Variants in SUN3 observed in about 807,000 individuals in gnomAD.
The protein encoded by SUN3 is Sad1 and UNC84 domain containing 3, also known as SUN domain-containing protein 3.
A neutral mutation model predicts 48.2 loss-of-function variants in SUN3; 36 were observed. The ratio of observed to expected loss-of-function variants is 0.75; its 90% CI spans 0.57 to 0.99. SUN3 has a LOEUF of 0.99. Ranked by LOEUF, SUN3 falls within the 50% of genes least tolerant of loss-of-function variation. SUN3 has a pLI of 0.00. For synonymous variants in SUN3, 148 were observed against 147.9 expected, an observed-to-expected ratio of 1.00 and a Z score of 0.00; for missense variants, 419 against 433.1, an observed-to-expected ratio of 0.97 and a Z score of 0.29.
At chr7:48,031,292 C>A (rs893041376), upstream of SUN3, among the ~76,000 whole-genome samples, 10 of 152,204 alleles carry the variant, frequency 6.6e-5, no homozygotes, top group African/African-American at 2.4e-4. Flanking sequence ...TACTCAACAT[C>A]ATTAATCATC....
chr7:48,035,535 G>T, the SUN3 span: 1 of 698,164 alleles, frequency 1.4e-6, no homozygotes, highest in Admixed American at 2.0e-5. This position sits in a 1 kb window ranked among gnomAD's most constrained non-coding sequence, Gnocchi z 4.0. Context: ...GCGGCGCGCT[G>T]GGAGTTTGGG....
chr7:48,022,719 A>G (rs895494703), intron 2 of SUN3, among the ~76,000 whole-genome samples: 3 of 152,092 alleles, frequency 2.0e-5, no homozygotes, highest in East Asian at 3.8e-4. Context: ...GAAACCTATT[A>G]TAATCAAACT....
intron 9 of SUN3, 89 bp from the exon 10 acceptor site, chr7:47,987,538 A>C (rs1788934665): frequency 5.4e-5 from 67 of 1,251,086 alleles, no homozygotes; most frequent in Non-Finnish European, 7.1e-5. Flanking sequence ...TAAATTATAT[A>C]CTTTTTTTTT....
At chr7:48,005,738 T>C (rs937457058) in intron 6 of SUN3, among the ~76,000 whole-genome samples, 2 of 152,160 alleles carry the variant, frequency 1.3e-5, no homozygotes, top group Admixed American at 6.5e-5. Flanking sequence ...GTGGTTCTTT[T>C]AGATGCATGT....
chr7:47,998,235 T>C (rs1057133079), intron 6 of SUN3, among the ~76,000 whole-genome samples: 3 of 152,204 alleles, frequency 2.0e-5, no homozygotes, highest in African/African-American at 7.2e-5. Context: ...CAGCACTTAG[T>C]ATGGTCGGTT....
rs944224272 is a variant in SUN3, at chr7:47,999,102, T to C, written c.578-2956A>G. ...AAGTTGGACAGTATTGTCATCTTAA[T>C]GGTATTGAGTCTTCTAATCCATAAA... On this transcript the variant is annotated intron_variant, in intron 6 of 9. Transcript: ENST00000297325. Among the ~76,000 whole-genome samples, 30 of 152,346 alleles carry C rather than the reference T, an allele frequency of 2.0e-4. 1 individual carries two copies. Among genetic ancestry groups the C allele is most frequent in the African/African-American group, 7.0e-4 (29 of 41,586 alleles).
intron 7 of SUN3, among the ~76,000 whole-genome samples, chr7:47,995,784 TA>T (rs1457404752): frequency 1.3e-5 from 2 of 152,150 alleles, no homozygotes; most frequent in African/African-American, 4.8e-5. Flanking sequence ...TACTTGAAAA[TA>T]AAATAATCTA....
At chr7:48,035,892 G>T in the SUN3 span, among the ~76,000 whole-genome samples, 1 of 152,002 alleles carries the variant, frequency 6.6e-6, no homozygotes, top group Non-Finnish European at 1.5e-5. This position sits in a 1 kb window ranked among gnomAD's most constrained non-coding sequence, Gnocchi z 4.0. Flanking sequence ...GGCGTGACGT[G>T]CCCCCTCTGT....
At chr7:48,003,917 G>A (rs898419276) in intron 6 of SUN3, among the ~76,000 whole-genome samples, 1 of 152,122 alleles carries the variant, frequency 6.6e-6, no homozygotes, top group African/African-American at 2.4e-5. Flanking sequence ...TTGCCTGATT[G>A]CCCTGGAGAG....
At position 48,000,361 on chromosome 7, in the gene SUN3, C is replaced by A. The variant is rs112325173; in HGVS notation, c.578-4215G>T. Among the ~76,000 whole-genome samples, 453 of 152,276 alleles carry A rather than the reference C, an allele frequency of 3.0e-3. 6 individuals are homozygous for A. Among genetic ancestry groups the A allele is most frequent in the African/African-American group, 0.01 (423 of 41,550 alleles). On this transcript the variant is annotated intron_variant, in intron 6 of 9. Transcript: ENST00000297325. ...CCATGTTGGCCAGGCTAGTCTGGAA[C>A]TCCTGACCTCAGGTGATCCACCCGC...
chr7:48,003,383 T>A (rs1402193121), intron 6 of SUN3, among the ~76,000 whole-genome samples: 1 of 152,202 alleles, frequency 6.6e-6, no homozygotes, highest in Non-Finnish European at 1.5e-5. Flanking sequence ...TTGCTTAGGA[T>A]TGCCCTTGCT....
chr7:48,019,693 C>G (rs1475749081), intron 2 of SUN3, among the ~76,000 whole-genome samples: 7 of 151,798 alleles, frequency 4.6e-5, no homozygotes, highest in Admixed American at 4.6e-4. Context: ...AAGAAATGGA[C>G]AAATTACTAG....
chr7:48,019,189 A>G (rs1188243653), intron 2 of SUN3, among the ~76,000 whole-genome samples: 2 of 152,162 alleles, frequency 1.3e-5, no homozygotes, highest in African/African-American at 4.8e-5. Flanking sequence ...ATCAGACACC[A>G]TGAAGTGGAT....
chr7:47,987,282 A>G lies in SUN3; in HGVS notation c.*48T>C. On this transcript the variant is annotated 3_prime_UTR_variant, in exon 10 of 10. Transcript: ENST00000297325. ...TGCGGTATCATCTAAGAGAATAAGC[A>G]TTCTTGAATATTCTGGACATGTGGC... is the stretch of plus-strand genomic sequence containing the variant. 6.3e-7 allele frequency: 1 copy of G among 1,578,572 alleles called. No individual in the cohort carries two copies. The highest frequency in any genetic ancestry group is 8.6e-7 in the Non-Finnish European group (1 of 1,163,854).
chr7:47,989,107 C>CAGAG (rs1788979836), intron 8 of SUN3: 1 of 374,700 alleles, frequency 2.7e-6, no homozygotes, highest in Non-Finnish European at 4.8e-6. Flanking sequence ...GACACACAGA[C>CAGAG]AGATAGATAG....
chr7:48,007,850 G>A (rs1789574742), intron 4 of SUN3, among the ~76,000 whole-genome samples: 2 of 149,806 alleles, frequency 1.3e-5, no homozygotes, highest in African/African-American at 2.5e-5. Context: ...TTGAGATGGA[G>A]TCTCACTCTG....
At chr7:47,994,182 G>A (rs1789139463) in intron 8 of SUN3, 133 bp downstream of exon 8, 1 of 755,180 alleles carries the variant, frequency 1.3e-6, no homozygotes, top group African/African-American at 1.8e-5. Context: ...TCTCTTTGTA[G>A]GTGAGAAAGC....
At chr7:47,990,744 A>T (rs1214368082) in intron 8 of SUN3, among the ~76,000 whole-genome samples, 1 of 151,962 alleles carries the variant, frequency 6.6e-6, no homozygotes, top group African/African-American at 2.4e-5. Context: ...TTTAAGAAAC[A>T]GGATCTGATG....
upstream of SUN3, among the ~76,000 whole-genome samples, chr7:48,029,776 T>G (rs540565910): frequency 6.6e-6 from 1 of 152,316 alleles, no homozygotes; most frequent in East Asian, 1.9e-4. Context: ...GGGGCATAAA[T>G]TCTACGATGA....
Sources: allele counts gnomAD v4.1 joint callset (sites outside exome capture counted in the v4.1 genomes callset), GRCh38; gene constraint gnomAD v4.1.1; non-coding constraint Gnocchi (gnomAD v3.1); transcripts MANE v1.5; gene names NCBI Gene and HGNC (gene_info 2026-07-23, HGNC 2026-07-21).